Variants in RSRC1 observed in about 807,000 individuals in gnomAD.
The protein encoded by RSRC1 is arginine and serine rich coiled-coil 1, also known as serine/Arginine-related protein 53.
A neutral mutation model predicts 49.1 loss-of-function variants in RSRC1; 39 were observed. That is an observed-to-expected ratio of 0.79 (90% confidence interval 0.61 to 1.04). The LOEUF (loss-of-function observed/expected upper bound fraction) is 1.04. Ranked by LOEUF, RSRC1 falls within the 50% of genes least tolerant of loss-of-function variation. The pLI, the probability that RSRC1 is intolerant of heterozygous loss-of-function variation, is 0.00. For missense variants in RSRC1, 388 were observed against 402.4 expected (o/e 0.96, Z 0.31); for synonymous variants, 143 against 130.8 (o/e 1.09, Z -0.63).
intron 3 of RSRC1, among the ~76,000 whole-genome samples, chr3:158,145,010 C>T (rs1314435354): frequency 1.3e-5 from 2 of 152,112 alleles, no homozygotes; most frequent in African/African-American, 2.4e-5. Context: ...TGTTTGAGTT[C>T]TTTGTAGATT....
intron 6 of RSRC1, among the ~76,000 whole-genome samples, chr3:158,381,085 A>C (rs1005575866): frequency 6.6e-6 from 1 of 152,242 alleles, no homozygotes; most frequent in Non-Finnish European, 1.5e-5. Flanking sequence ...AAATATATGT[A>C]GATACTAGTC....
intron 4 of RSRC1, among the ~76,000 whole-genome samples, chr3:158,232,142 G>A (rs1723002179): frequency 6.6e-6 from 1 of 151,876 alleles, no homozygotes; most frequent in Non-Finnish European, 1.5e-5. Context: ...TAGTACTTTG[G>A]CTTTATGTAA....
At chr3:158,289,278 CT>C (rs1726772102) in intron 4 of RSRC1, among the ~76,000 whole-genome samples, 3 of 152,162 alleles carry the variant, frequency 2.0e-5, no homozygotes, top group Admixed American at 1.3e-4. Flanking sequence ...TTTCTGTGAA[CT>C]CTGTTTACTT....
At chr3:158,188,252 A>G (rs980248482) in intron 3 of RSRC1, among the ~76,000 whole-genome samples, 2 of 151,808 alleles carry the variant, frequency 1.3e-5, no homozygotes, top group African/African-American at 4.8e-5. Context: ...GTTCCATGGA[A>G]TTTCACCTTA....
intron 7 of RSRC1, among the ~76,000 whole-genome samples, chr3:158,532,516 C>A (rs1417852874): frequency 1.3e-5 from 2 of 151,498 alleles, no homozygotes; most frequent in Non-Finnish European, 3.0e-5. Context: ...TCAAATATAA[C>A]TTGAAGAAGC....
intron 6 of RSRC1, among the ~76,000 whole-genome samples, chr3:158,357,489 C>G (rs1447267886): frequency 6.6e-6 from 1 of 151,990 alleles, no homozygotes; most frequent in Non-Finnish European, 1.5e-5. Context: ...ACATATTACA[C>G]CTTTTTGAAA....
chr3:158,452,014 CT>C (rs1173163375), intron 6 of RSRC1, among the ~76,000 whole-genome samples: 3 of 151,994 alleles, frequency 2.0e-5, no homozygotes, highest in Non-Finnish European at 4.4e-5. Context: ...AAGCAAGAGA[CT>C]TTTTGGATTT....
At chr3:158,450,332 T>C (rs79919057) in intron 6 of RSRC1, among the ~76,000 whole-genome samples, 1 of 71,650 alleles carries the variant, frequency 1.4e-5, no homozygotes, top group African/African-American at 6.1e-5. Flanking sequence ...TCTTTTTTGC[T>C]TTTTTTTTTT....
intron 3 of RSRC1, among the ~76,000 whole-genome samples, chr3:158,160,091 T>C (rs1295380011): frequency 1.3e-5 from 2 of 152,120 alleles, no homozygotes; most frequent in African/African-American, 2.4e-5. Flanking sequence ...TGAGTATGAA[T>C]GAGAAGGCAA....
intron 3 of RSRC1, among the ~76,000 whole-genome samples, chr3:158,175,270 T>G (rs140195615): frequency 1.0e-3 from 152 of 152,236 alleles, no homozygotes; most frequent in African/African-American, 3.4e-3. Context: ...ATTCTGTGGC[T>G]TACCTTTTTA....
intron 3 of RSRC1, among the ~76,000 whole-genome samples, chr3:158,132,855 A>C (rs939775287): frequency 1.3e-5 from 2 of 152,220 alleles, no homozygotes; most frequent in Non-Finnish European, 2.9e-5. Flanking sequence ...ACAGGAATAA[A>C]TCTTTGGCAA....
chr3:158,140,857 G>C (rs1453342617), intron 3 of RSRC1, among the ~76,000 whole-genome samples: 2 of 152,158 alleles, frequency 1.3e-5, no homozygotes, highest in Non-Finnish European at 2.9e-5. Flanking sequence ...TAAATGTCTA[G>C]TAGTGTTATA....
At chr3:158,162,228 A>T (rs1718273292) in intron 3 of RSRC1, among the ~76,000 whole-genome samples, 1 of 152,172 alleles carries the variant, frequency 6.6e-6, no homozygotes, top group African/African-American at 2.4e-5. Context: ...TCTGTGAAAG[A>T]TACTGTTTAG....
At chr3:158,123,355 G>C (rs137868193) in intron 2 of RSRC1, among the ~76,000 whole-genome samples, 1 of 151,988 alleles carries the variant, frequency 6.6e-6, no homozygotes, top group Non-Finnish European at 1.5e-5. Context: ...TCACTCAGGC[G>C]GGAGTGCAGC....
chr3:158,353,483 T>A (rs1455586126), intron 5 of RSRC1, among the ~76,000 whole-genome samples: 2 of 152,194 alleles, frequency 1.3e-5, no homozygotes, highest in African/African-American at 2.4e-5. Context: ...ATAGCCTATA[T>A]CCCAGTAAAA....
chr3:158,305,002 A>G (rs1489209518), intron 5 of RSRC1, among the ~76,000 whole-genome samples: 1 of 152,180 alleles, frequency 6.6e-6, no homozygotes, highest in Non-Finnish European at 1.5e-5. Flanking sequence ...GAGGACTGGC[A>G]TATAATCTAG....
At chr3:158,217,449 C>T (rs1033786532) in intron 4 of RSRC1, among the ~76,000 whole-genome samples, 7 of 151,604 alleles carry the variant, frequency 4.6e-5, no homozygotes, top group Non-Finnish European at 1.0e-4. Context: ...AAAATTTGCT[C>T]ACCAGTCTTC....
chr3:158,453,351 A>C (rs1199610797), intron 6 of RSRC1, among the ~76,000 whole-genome samples: 1 of 150,464 alleles, frequency 6.6e-6, no homozygotes, highest in African/African-American at 2.5e-5. Flanking sequence ...CAATTTTGTC[A>C]GATAGGCCAA....
At chr3:158,196,454 A>G (rs552151063) in intron 3 of RSRC1, among the ~76,000 whole-genome samples, 1 of 152,338 alleles carries the variant, frequency 6.6e-6, no homozygotes, top group Admixed American at 6.5e-5. Flanking sequence ...AAACAGGGAC[A>G]GTTTGACTTC....
Sources: allele counts gnomAD v4.1 joint callset (sites outside exome capture counted in the v4.1 genomes callset), GRCh38; gene constraint gnomAD v4.1.1; transcripts MANE v1.5; gene names NCBI Gene and HGNC (gene_info 2026-07-23, HGNC 2026-07-21).